TASP1: variants seen among roughly 807,000 people sequenced by gnomAD.
The protein encoded by TASP1 is taspase 1.
A neutral mutation model predicts 56.6 loss-of-function variants in TASP1; 16 were observed. That is an observed-to-expected ratio of 0.28 (90% CI 0.19 to 0.43). The LOEUF (loss-of-function observed/expected upper bound fraction) is 0.43, where lower values mean the gene tolerates loss of function less well. TASP1 is among the 20% of genes least tolerant of loss of function. The pLI is 1.00. For missense variants in TASP1, 393 were observed against 511.6 expected (o/e 0.77, Z 2.24); for synonymous variants, 179 against 184.2 (o/e 0.97, Z 0.23).
chr20:13,427,489 A>G (rs1380010891), intron 12 of TASP1, among the ~76,000 whole-genome samples: 2 of 152,232 alleles, frequency 1.3e-5, no homozygotes, highest in Admixed American at 1.3e-4. Flanking sequence ...ACATGCGGAA[A>G]TTTTCATATA....
Position 13,591,549 on chromosome 20 carries a change from T to C in TASP1, c.283-4179A>G, listed in dbSNP as rs1435088418. Among the ~76,000 whole-genome samples the C allele has an allele frequency of 3.9e-5, 6 of 152,224 alleles. No homozygotes were observed. The South Asian group carries it at 6.2e-4, about 16-fold the overall frequency. On this transcript the variant is annotated intron_variant, in intron 4 of 13. Coordinates refer to ENST00000337743, the MANE Select transcript of TASP1 (RefSeq NM_017714.3). ...GACACATAAAAATTGGGATAATTTT[T>C]CACCAGCAAACCTACACTATAAGTA... is the stretch of plus-strand genomic sequence containing the variant.
At chr20:13,228,551 A>T in the TASP1 span, among the ~76,000 whole-genome samples, 2 of 152,080 alleles carry the variant, frequency 1.3e-5, no homozygotes, top group Non-Finnish European at 2.9e-5. Flanking sequence ...TGATTTTTTT[A>T]AAAACTTGAT....
intron 7 of TASP1, among the ~76,000 whole-genome samples, chr20:13,564,658 G>A (rs1007331059): frequency 2.6e-5 from 4 of 151,740 alleles, no homozygotes; most frequent in East Asian, 1.9e-4. Flanking sequence ...AAAAAAAGTT[G>A]GAAGTCTCAC....
At chr20:13,380,918 C>T in the TASP1 span, among the ~76,000 whole-genome samples, 1 of 152,166 alleles carries the variant, frequency 6.6e-6, no homozygotes, top group Non-Finnish European at 1.5e-5. Flanking sequence ...ATGGCGGACG[C>T]CCCTCCCCCC....
At chr20:13,528,308 G>T in intron 10 of TASP1, 125 bp downstream of exon 10, 1 of 546,216 alleles carries the variant, frequency 1.8e-6, no homozygotes, top group Non-Finnish European at 2.9e-6. Context: ...AAATACTGAA[G>T]ATCTTTCCCA....
chr20:13,224,114 C>T, the TASP1 span, among the ~76,000 whole-genome samples: 1 of 152,080 alleles, frequency 6.6e-6, no homozygotes, highest in East Asian at 1.9e-4. Context: ...ATCTTGAGTC[C>T]CAAGTAGCTG....
the TASP1 span, among the ~76,000 whole-genome samples, chr20:13,329,875 G>C: frequency 6.6e-6 from 1 of 151,894 alleles, no homozygotes; most frequent in Admixed American, 6.6e-5. Context: ...GGAGATTTTC[G>C]TAAATATCAT....
chr20:13,391,362 C>T (rs2041268379), intron 13 of TASP1, among the ~76,000 whole-genome samples: 1 of 152,144 alleles, frequency 6.6e-6, no homozygotes, highest in Admixed American at 6.5e-5. Context: ...AGGATGAGGT[C>T]AGCCAAGAAT....
intron 9 of TASP1, among the ~76,000 whole-genome samples, chr20:13,531,648 T>C (rs1413068392): frequency 1.3e-5 from 2 of 151,862 alleles, no homozygotes; most frequent in African/African-American, 4.8e-5. Context: ...TCAGCCATCA[T>C]GCTCAGATAA....
At chr20:13,370,116 G>C in the TASP1 span, among the ~76,000 whole-genome samples, 2 of 152,084 alleles carry the variant, frequency 1.3e-5, no homozygotes, top group African/African-American at 4.8e-5. Flanking sequence ...TCAACACAAA[G>C]ATAAGAGAAT....
chr20:13,127,387 A>G, the TASP1 span, among the ~76,000 whole-genome samples: 3 of 152,224 alleles, frequency 2.0e-5, no homozygotes, highest in African/African-American at 7.2e-5. Flanking sequence ...TCTTGCTGCC[A>G]GGCAAACTGG....
chr20:13,202,510 G>A, the TASP1 span, among the ~76,000 whole-genome samples: 2 of 152,126 alleles, frequency 1.3e-5, no homozygotes, highest in East Asian at 3.8e-4. Flanking sequence ...GCTCTCACAA[G>A]TCACTATGTC....
At chr20:13,254,095 T>C in the TASP1 span, among the ~76,000 whole-genome samples, 1 of 148,380 alleles carries the variant, frequency 6.7e-6, no homozygotes. Context: ...ACATTAGGCA[T>C]GGTGGTACAT....
chr20:13,476,961 T>A (rs1391070819), intron 11 of TASP1, among the ~76,000 whole-genome samples: 1 of 152,112 alleles, frequency 6.6e-6, no homozygotes, highest in East Asian at 1.9e-4. Flanking sequence ...AAGAGAAATA[T>A]GCTTATCAAA....
the TASP1 span, among the ~76,000 whole-genome samples, chr20:13,316,265 G>A: frequency 0.12 from 18,483 of 151,810 alleles, 1,700 homozygotes; most frequent in East Asian, 0.43. Flanking sequence ...AATCTGAAAA[G>A]GTCTATATCT....
the TASP1 span, among the ~76,000 whole-genome samples, chr20:13,343,722 T>A: frequency 6.6e-6 from 1 of 152,276 alleles, no homozygotes; most frequent in South Asian, 2.1e-4. Flanking sequence ...CCTCACAGCA[T>A]CACACCCCTT....
At chr20:13,488,928 C>T (rs73899328) in intron 10 of TASP1, among the ~76,000 whole-genome samples, 4,960 of 152,212 alleles carry the variant, frequency 0.033, 267 homozygotes, top group African/African-American at 0.11. Context: ...TACATCCATC[C>T]CCTTACTCCC....
At chr20:13,256,378 AGAGT>A in the TASP1 span, among the ~76,000 whole-genome samples, 3 of 146,284 alleles carry the variant, frequency 2.1e-5, no homozygotes, top group African/African-American at 7.8e-5. Flanking sequence ...CCTGGGCAAC[AGAGT>A]GAGACCCCGT....
chr20:13,383,977 A>T, the TASP1 span, among the ~76,000 whole-genome samples: 2 of 152,208 alleles, frequency 1.3e-5, no homozygotes, highest in African/African-American at 2.4e-5. Context: ...ACTGCTAGTT[A>T]ACAGGTTTGG....
Sources: allele counts gnomAD v4.1 joint callset (sites outside exome capture counted in the v4.1 genomes callset), GRCh38; gene constraint gnomAD v4.1.1; transcripts MANE v1.5; gene names NCBI Gene and HGNC (gene_info 2026-07-23, HGNC 2026-07-21).